Variants in CADPS2 observed in about 807,000 individuals in gnomAD.
CADPS2 encodes the protein calcium dependent secretion activator 2, also known as calcium-dependent secretion activator 2.
In CADPS2, 93 loss-of-function variants were observed where a neutral mutation model predicts 172.5. That is an observed-to-expected ratio of 0.54 (90% CI 0.46 to 0.64). CADPS2 has a LOEUF of 0.64. Ranked by LOEUF, CADPS2 falls within the 30% of genes least tolerant of loss-of-function variation. The pLI is 0.00. For missense variants in CADPS2, 1,420 were observed against 1,565.9 expected, an observed-to-expected ratio of 0.91 and a Z score of 1.57; for synonymous variants, 546 against 555.2, an observed-to-expected ratio of 0.98 and a Z score of 0.23.
chr7:122,862,172 A>G (rs1817109803), intron 1 of CADPS2, among the ~76,000 whole-genome samples: 1 of 152,214 alleles, frequency 6.6e-6, no homozygotes. Context: ...CTGCAGAGAG[A>G]GGTAAAAGTG....
rs549869047 is a variant in CADPS2 at position 122,492,694 on chromosome 7, A to AT, written c.1543-1275dup. 4.5e-4 allele frequency among the ~76,000 whole-genome samples: 69 copies of AT among 151,684 alleles called. 2 individuals are homozygous for AT. In the South Asian group the frequency reaches 0.013, roughly 28 times the overall value. ...CCATGGAAGATAGTTTGGTTAGTGT[A>AT]TTTTTTTTCTTTTTTTCTTTTTTGA... is the stretch of plus-strand genomic sequence containing the variant. On this transcript the variant is annotated intron_variant, in intron 9 of 29. Transcript: ENST00000449022.
At chr7:122,460,339 T>C (rs2054296899) in intron 14 of CADPS2, among the ~76,000 whole-genome samples, 1 of 151,788 alleles carries the variant, frequency 6.6e-6, no homozygotes, top group African/African-American at 2.4e-5. Flanking sequence ...GTCTTGGTGG[T>C]AAATATCAAT....
chr7:122,677,494 C>T (rs1002450588), intron 2 of CADPS2, among the ~76,000 whole-genome samples: 2 of 152,102 alleles, frequency 1.3e-5, no homozygotes, highest in African/African-American at 4.8e-5. Flanking sequence ...GTCTTTATCC[C>T]AGGAGCATGG....
chr7:122,483,073 G>T (rs1428843354), intron 11 of CADPS2, among the ~76,000 whole-genome samples: 1 of 152,146 alleles, frequency 6.6e-6, no homozygotes, highest in Non-Finnish European at 1.5e-5. Context: ...ATGCATCCTG[G>T]ACTAAACACT....
At chr7:122,549,995 C>T (rs1185351076) in intron 8 of CADPS2, among the ~76,000 whole-genome samples, 1 of 152,106 alleles carries the variant, frequency 6.6e-6, no homozygotes, top group African/African-American at 2.4e-5. Flanking sequence ...ATAATCTAAA[C>T]AATGAAACTT....
intron 11 of CADPS2, among the ~76,000 whole-genome samples, chr7:122,489,046 G>A (rs145047838): frequency 4.0e-4 from 61 of 152,106 alleles, no homozygotes; most frequent in Middle Eastern, 3.4e-3. Flanking sequence ...TAATTTTAAA[G>A]AAGAAATTTT....
chr7:122,784,826 G>A (rs1793637812), intron 1 of CADPS2, among the ~76,000 whole-genome samples: 1 of 152,068 alleles, frequency 6.6e-6, no homozygotes, highest in Non-Finnish European at 1.5e-5. Context: ...ACCTTATTAA[G>A]CCTTTTTACT....
intron 8 of CADPS2, among the ~76,000 whole-genome samples, chr7:122,525,812 A>G (rs953062167): frequency 2.0e-5 from 3 of 152,084 alleles, no homozygotes; most frequent in African/African-American, 7.2e-5. Context: ...TAACTGGGCT[A>G]CATGGTACAG....
chr7:122,468,300 A>G (rs1422822068), intron 14 of CADPS2, among the ~76,000 whole-genome samples: 1 of 152,222 alleles, frequency 6.6e-6, no homozygotes, highest in African/African-American at 2.4e-5. Flanking sequence ...ACAATGTAGA[A>G]AAACCAGACT....
Position 122,403,258 on chromosome 7 carries a change from A to G in CADPS2, c.2746+4282T>C, listed in dbSNP as rs150707482. Among the ~76,000 whole-genome samples, 21 of 152,286 alleles carry G rather than the reference A, an allele frequency of 1.4e-4. No individual in the cohort carries two copies. In the East Asian group the frequency reaches 3.7e-3, roughly 27 times the overall value. On this transcript the variant is annotated intron_variant, in intron 20 of 29. Coordinates refer to ENST00000449022, the MANE Select transcript of CADPS2 (RefSeq NM_017954.11). ...GTGAGTTTGGGGTAAAAGTCACTGC[A>G]TTTTATTTCAGTTCCCCAGATCACA... is the stretch of plus-strand genomic sequence containing the variant.
At chr7:122,820,652 CG>C (rs1802963303) in intron 1 of CADPS2, among the ~76,000 whole-genome samples, 1 of 129,864 alleles carries the variant, frequency 7.7e-6, no homozygotes, top group Non-Finnish European at 1.6e-5. Flanking sequence ...CTCCGCCTCC[CG>C]GGTTCACGCC....
intron 1 of CADPS2, among the ~76,000 whole-genome samples, chr7:122,774,057 C>T (rs2093788397): frequency 6.6e-6 from 1 of 151,930 alleles, no homozygotes; most frequent in South Asian, 2.1e-4. Context: ...AGTTCAGAGA[C>T]ACTAAAGTCT....
intron 17 of CADPS2, among the ~76,000 whole-genome samples, chr7:122,436,783 A>G (rs974087115): frequency 1.3e-4 from 20 of 152,218 alleles, no homozygotes; most frequent in South Asian, 4.1e-4. Flanking sequence ...CTTGTCTAAC[A>G]GAGACTTGTT....
intron 1 of CADPS2, among the ~76,000 whole-genome samples, chr7:122,883,853 A>G (rs1484597757): frequency 1.3e-5 from 2 of 152,224 alleles, no homozygotes; most frequent in Non-Finnish European, 2.9e-5. Context: ...CATAGAATAT[A>G]TGTTGTATTT....
At chr7:122,765,415 G>T (rs1471306884) in intron 1 of CADPS2, among the ~76,000 whole-genome samples, 2 of 152,118 alleles carry the variant, frequency 1.3e-5, no homozygotes, top group African/African-American at 4.8e-5. Context: ...GAACATGGTA[G>T]AAATCTAAAT....
intron 2 of CADPS2, among the ~76,000 whole-genome samples, chr7:122,683,827 C>T (rs2083334562): frequency 6.6e-6 from 1 of 151,976 alleles, no homozygotes; most frequent in Non-Finnish European, 1.5e-5. Flanking sequence ...CATGGGTTTC[C>T]TCCAGGTACT....
intron 6 of CADPS2, among the ~76,000 whole-genome samples, chr7:122,605,275 A>T (rs1421417632): frequency 6.6e-6 from 1 of 152,086 alleles, no homozygotes; most frequent in Non-Finnish European, 1.5e-5. Context: ...CTTTATAAAA[A>T]CTGAACACTT....
In CADPS2 at chr7:122,527,617, AGTGTGTGTGTGT is replaced by A. The variant is rs59653845; in HGVS notation, c.1476-14314_1476-14303del. Among the ~76,000 whole-genome samples the A allele has an allele frequency of 4.2e-3, 352 of 83,772 alleles. 4 individuals carry two copies. Among genetic ancestry groups the A allele is most frequent in the African/African-American group, 8.1e-3 (196 of 24,306 alleles). The allele number at this position is 83,772 out of a possible 152,430, so 55.0% of individuals were successfully genotyped here. On this transcript the variant is annotated intron_variant, in intron 8 of 29. Coordinates refer to ENST00000449022, the MANE Select transcript of CADPS2 (RefSeq NM_017954.11). The stretch of plus-strand genomic sequence containing the variant: ...GAGAGAGAGAGAGAGAGAGAGAGAG[AGTGTGTGTGTGT>A]GTGTGTGTGTGTGTGTGTGTGTGTT...
intron 19 of CADPS2, among the ~76,000 whole-genome samples, chr7:122,413,734 C>G (rs962087522): frequency 2.0e-5 from 3 of 152,158 alleles, no homozygotes; most frequent in African/African-American, 7.2e-5. Flanking sequence ...CCAATTCACT[C>G]CCCAATATTG....
Sources: gnomAD v4.1 joint callset for allele counts (sites outside exome capture counted in the v4.1 genomes callset) on GRCh38, gnomAD v4.1.1 for gene constraint, MANE v1.5 for transcripts, NCBI Gene and HGNC (gene_info 2026-07-23, HGNC 2026-07-21) for gene names.